TMEM232: variants seen among roughly 807,000 people sequenced by gnomAD.
The protein encoded by TMEM232 is transmembrane protein 232.
Under a neutral mutation model 78.8 loss-of-function variants are expected in TMEM232, and 80 were observed. The observed-to-expected ratio is 1.01, with a 90% CI of 0.85 to 1.22. TMEM232 has a LOEUF of 1.22. TMEM232 is among the 50% of genes most tolerant of loss of function. The pLI is 0.00. For synonymous variants in TMEM232, 297 were observed against 254.3 expected, an observed-to-expected ratio of 1.17 and a Z score of -1.60; for missense variants, 881 against 742.2, an observed-to-expected ratio of 1.19 and a Z score of -2.17.
intron 12 of TMEM232, among the ~76,000 whole-genome samples, chr5:110,432,962 A>G (rs1371560828): frequency 6.6e-6 from 1 of 151,816 alleles, no homozygotes; most frequent in East Asian, 1.9e-4. Context: ...TGCACTCAAT[A>G]TTGGAGCACC....
rs540302517 is a variant in TMEM232, at chr5:110,712,190, C to T, written c.-13+14437G>A. On this transcript the variant is annotated intron_variant, in intron 1 of 13. Transcript: ENST00000455884. ...AAACTCTCCAGGACATTGGTCTGGG[C>T]AAAAATTTATTGAGTAATACCCCAT... Among the ~76,000 whole-genome samples, 4 of 150,412 alleles carry T rather than the reference C, an allele frequency of 2.7e-5. No individual in the cohort carries two copies. The East Asian group carries it at 7.8e-4, about 29-fold the overall frequency.
rs544863408 is a variant in TMEM232 at position 110,557,976 on chromosome 5, T to C, written c.1455+10471A>G. 2.0e-5 allele frequency among the ~76,000 whole-genome samples: 3 copies of C among 152,314 alleles called. No individual in the cohort carries two copies. The East Asian group carries it at 5.8e-4, about 29-fold the overall frequency. ...TGCTTTGGATGGGCTTTTGCTTTTA[T>C]ATTTTGATTTCCTTGAAGGTTTAAC... On this transcript the variant is annotated intron_variant, in intron 11 of 13. Transcript: ENST00000455884.
At chr5:110,569,234 T>C (rs937337677) in intron 10 of TMEM232, among the ~76,000 whole-genome samples, 6 of 151,908 alleles carry the variant, frequency 3.9e-5, no homozygotes, top group Admixed American at 1.3e-4. Context: ...AGAACTTATA[T>C]AGCAATTAGC....
chr5:110,683,249 A>G (rs1283547422), intron 1 of TMEM232, among the ~76,000 whole-genome samples: 2 of 152,166 alleles, frequency 1.3e-5, no homozygotes, highest in Admixed American at 6.6e-5. Flanking sequence ...TATAAAATAC[A>G]GGTTAAAAAT....
At chr5:110,474,336 A>G (rs894117604) in intron 12 of TMEM232, among the ~76,000 whole-genome samples, 3 of 151,968 alleles carry the variant, frequency 2.0e-5, no homozygotes, top group African/African-American at 7.2e-5. Context: ...TTACTTCTTA[A>G]CCTGGTAAAG....
chr5:110,389,497 T>C (rs1480423248), intron 4 of TMEM232, among the ~76,000 whole-genome samples: 2 of 152,188 alleles, frequency 1.3e-5, no homozygotes, highest in African/African-American at 4.8e-5. Flanking sequence ...AAATTCTCTT[T>C]TGAAACAGAT....
At chr5:110,609,493 G>T (rs1781919241) in intron 8 of TMEM232, among the ~76,000 whole-genome samples, 1 of 151,750 alleles carries the variant, frequency 6.6e-6, no homozygotes, top group African/African-American at 2.4e-5. Context: ...TTTTTAAGTA[G>T]TGAGAGTATT....
intron 1 of TMEM232, among the ~76,000 whole-genome samples, chr5:110,700,077 T>G (rs967287719): frequency 3.9e-5 from 6 of 152,048 alleles, no homozygotes; most frequent in African/African-American, 1.4e-4. Flanking sequence ...TAAGCAATTT[T>G]CTTAAGCAGA....
chr5:110,521,444 G>A (rs1167117733), intron 12 of TMEM232, among the ~76,000 whole-genome samples: 2 of 151,868 alleles, frequency 1.3e-5, no homozygotes, highest in Non-Finnish European at 2.9e-5. Flanking sequence ...TGTTTATTTT[G>A]CTTTGCATTA....
At position 110,708,022 on chromosome 5, in the gene TMEM232, T is replaced by C. The variant is rs190431814; in HGVS notation, c.-13+18605A>G. On this transcript the variant is annotated intron_variant, in intron 1 of 13. Coordinates refer to ENST00000455884, the MANE Select transcript of TMEM232 (RefSeq NM_001039763.4). Reference sequence around the variant, plus strand: ...ATAACCAACAGAAATATCCAGGTATTACGCCATGAGCCTTGGGTGAGACTC... The same window carrying C: ...ATAACCAACAGAAATATCCAGGTATCACGCCATGAGCCTTGGGTGAGACTC... 6.6e-3 allele frequency among the ~76,000 whole-genome samples: 1,000 copies of C among 152,264 alleles called. 11 individuals carry two copies. Among genetic ancestry groups the C allele is most frequent in the Non-Finnish European group, 0.01 (681 of 68,014 alleles).
At chr5:110,423,610 C>CTACAA (rs1756908550) in intron 13 of TMEM232, among the ~76,000 whole-genome samples, 1 of 152,068 alleles carries the variant, frequency 6.6e-6, no homozygotes, top group Non-Finnish European at 1.5e-5. Context: ...CCTTCTTTAG[C>CTACAA]TACAATATAA....
intron 1 of TMEM232, among the ~76,000 whole-genome samples, chr5:110,691,488 C>T (rs977511620): frequency 7.9e-5 from 12 of 152,148 alleles, no homozygotes; most frequent in South Asian, 2.1e-4. Context: ...TATTTATTTG[C>T]AACTAACAGA....
chr5:110,534,300 C>T (rs1581120421), intron 11 of TMEM232, among the ~76,000 whole-genome samples: 1 of 152,130 alleles, frequency 6.6e-6, no homozygotes, highest in African/African-American at 2.4e-5. Flanking sequence ...TCAGTGAAAC[C>T]TTTATATCCC....
chr5:110,720,436 C>T (rs900659975), intron 1 of TMEM232: 1 of 152,110 alleles, frequency 6.6e-6, no homozygotes, highest in African/African-American at 2.4e-5. Context: ...CAGACTGCCC[C>T]TACTAATAAG....
intron 6 of TMEM232, 75 bp from the exon 7 acceptor site, chr5:110,625,508 T>C: frequency 1.5e-6 from 2 of 1,317,808 alleles, no homozygotes; most frequent in Non-Finnish European, 2.0e-6. Context: ...CTTTTAGCTA[T>C]TAAACTATAA....
chr5:110,675,227 T>G (rs913059850), intron 1 of TMEM232, among the ~76,000 whole-genome samples: 5 of 151,974 alleles, frequency 3.3e-5, no homozygotes, highest in African/African-American at 1.2e-4. Context: ...TTATTTTTAG[T>G]AGAGACGGGG....
chr5:110,579,399 T>A (rs4128660), intron 10 of TMEM232, among the ~76,000 whole-genome samples: 1 of 151,568 alleles, frequency 6.6e-6, no homozygotes, highest in East Asian at 1.9e-4. Flanking sequence ...TATGATAGCA[T>A]AAGAAAATAT....
At chr5:110,567,532 T>C (rs1400237122) in intron 11 of TMEM232, among the ~76,000 whole-genome samples, 2 of 151,896 alleles carry the variant, frequency 1.3e-5, no homozygotes, top group Non-Finnish European at 2.9e-5. Flanking sequence ...TAAAATGTTC[T>C]TGTGTCCTCT....
At chr5:110,644,723 C>T (rs1787229735) in intron 2 of TMEM232, among the ~76,000 whole-genome samples, 1 of 150,972 alleles carries the variant, frequency 6.6e-6, no homozygotes. Flanking sequence ...AAGAATAATC[C>T]TAAAGTTTGC....
Sources: gnomAD v4.1 joint callset for allele counts (sites outside exome capture counted in the v4.1 genomes callset) on GRCh38, gnomAD v4.1.1 for gene constraint, MANE v1.5 for transcripts, NCBI Gene and HGNC (gene_info 2026-07-23, HGNC 2026-07-21) for gene names.